The following SLC2A14 variants were observed in gnomAD, a reference collection of about 807,000 sequenced individuals.
SLC2A14 encodes solute carrier family 2, facilitated glucose transporter member 14.
SLC2A14 carries 13 observed loss-of-function variants against 43.0 expected under a neutral mutation model. The ratio of observed to expected loss-of-function variants is 0.30; its 90% CI spans 0.20 to 0.48. SLC2A14 has a LOEUF of 0.48. Ranked by LOEUF, SLC2A14 falls within the 20% of genes least tolerant of loss-of-function variation. The pLI, the probability that SLC2A14 is intolerant of heterozygous loss-of-function variation, is 0.99. For synonymous variants in SLC2A14, 190 were observed against 233.8 expected, an observed-to-expected ratio of 0.81 and a Z score of 1.71; for missense variants, 428 against 620.4, an observed-to-expected ratio of 0.69 and a Z score of 3.29.
At chr12:7,865,056 G>A (rs1014785957) in intron 2 of SLC2A14, among the ~76,000 whole-genome samples, 3 of 152,014 alleles carry the variant, frequency 2.0e-5, no homozygotes, top group African/African-American at 7.2e-5. Flanking sequence ...AAGTCTATTG[G>A]CCTCATTTTT....
At chr12:7,877,747 T>C (rs1488712635), upstream of SLC2A14, among the ~76,000 whole-genome samples, 7 of 152,024 alleles carry the variant, frequency 4.6e-5, no homozygotes, top group Non-Finnish European at 7.4e-5. Flanking sequence ...TACATTTTTG[T>C]TTTAAATTCT....
chr12:7,822,405 C>T (rs943892712), intron 7 of SLC2A14, among the ~76,000 whole-genome samples: 24 of 151,718 alleles, frequency 1.6e-4, no homozygotes, highest in Non-Finnish European at 2.9e-4. Flanking sequence ...CAGTGGCTCA[C>T]GCCTGCAATC....
At chr12:7,877,814 T>C (rs6488728), upstream of SLC2A14, among the ~76,000 whole-genome samples, 150,910 of 152,236 alleles carry the variant, frequency 0.99, 74,812 homozygotes, top group East Asian at 1. Flanking sequence ...TGGAGTGCAG[T>C]TCACTACAAC....
intron 2 of SLC2A14, among the ~76,000 whole-genome samples, chr12:7,834,561 A>G (rs934943950): frequency 5.6e-5 from 2 of 35,700 alleles, no homozygotes; most frequent in Admixed American, 7.1e-4. Flanking sequence ...CCCCTTCTCT[A>G]TCAAAAAAAA....
intron 7 of SLC2A14, among the ~76,000 whole-genome samples, chr12:7,827,018 TCTCTCCTTTCTCTCTCTTTCTCTC>T (rs1565509034): frequency 3.8e-5 from 5 of 133,200 alleles, no homozygotes; most frequent in South Asian, 2.6e-4. Context: ...TCTCTCTCTT[TCTCTCCTTTCTCTCTCTTTCTCTC>T]CTTTCTCTCT....
intron 1 of SLC2A14, among the ~76,000 whole-genome samples, chr12:7,885,803 G>C (rs117456628): frequency 6.6e-6 from 1 of 151,990 alleles, no homozygotes. Context: ...GTGGAAAAAG[G>C]AGTCAATGGT....
At chr12:7,889,890 A>G (rs1245276631) in intron 1 of SLC2A14, among the ~76,000 whole-genome samples, 2 of 151,694 alleles carry the variant, frequency 1.3e-5, no homozygotes, top group Non-Finnish European at 2.9e-5. Context: ...TGGATTATTC[A>G]TTCCTCCCCT....
intron 2 of SLC2A14, among the ~76,000 whole-genome samples, chr12:7,860,959 A>AT (rs1412307507): frequency 6.6e-6 from 1 of 151,884 alleles, no homozygotes; most frequent in Non-Finnish European, 1.5e-5. Context: ...TGCCCAGCTA[A>AT]TTTTTTATTT....
intron 2 of SLC2A14, among the ~76,000 whole-genome samples, chr12:7,863,204 C>G (rs1944693517): frequency 6.6e-6 from 1 of 152,072 alleles, no homozygotes; most frequent in African/African-American, 2.4e-5. Flanking sequence ...ACGAACGACT[C>G]CTGACGCGCT....
Position 7,878,976 on chromosome 12 carries a change from CAAAAAAAAAA to C in SLC2A14, c.132+12010_132+12019del, listed in dbSNP as rs58838986. On this transcript the variant is annotated intron_variant, in intron 1 of 9. Coordinates refer to the SLC2A14 transcript ENST00000539924. ...TGGGCGACACAGCAAGAGTCCGTCT[CAAAAAAAAAA>C]AAAAAAAAAAAAAAAAAAACAATTT... is the stretch of plus-strand genomic sequence containing the variant. Among the ~76,000 whole-genome samples the C allele has an allele frequency of 5.8e-5, 4 of 69,322 alleles. No individual in the cohort carries two copies. In the East Asian group the frequency reaches 1.1e-3, roughly 19 times the overall value. The allele number at this position is 69,322 out of a possible 152,430, so 45.5% of individuals were successfully genotyped here.
upstream of SLC2A14, among the ~76,000 whole-genome samples, chr12:7,876,442 C>G (rs1364762842): frequency 6.6e-6 from 1 of 152,006 alleles, no homozygotes; most frequent in Non-Finnish European, 1.5e-5. Flanking sequence ...CCCAGCCACC[C>G]AAATCAAGTG....
At chr12:7,864,107 C>T (rs761356560) in intron 2 of SLC2A14, among the ~76,000 whole-genome samples, 55 of 151,822 alleles carry the variant, frequency 3.6e-4, no homozygotes, top group Non-Finnish European at 4.4e-5. Context: ...TCAGCCCCCG[C>T]GCCCGGCCAC....
intron 2 of SLC2A14, chr12:7,863,285 A>G (rs937975278): frequency 2.3e-6 from 1 of 426,266 alleles, no homozygotes; most frequent in South Asian, 1.6e-5. Flanking sequence ...CCACGAACCC[A>G]CCAGAAGGAA....
At chr12:7,875,011 TA>T (rs1268381611), upstream of SLC2A14, among the ~76,000 whole-genome samples, 1 of 107,292 alleles carries the variant, frequency 9.3e-6, no homozygotes, top group Non-Finnish European at 1.7e-5. Context: ...AATACATATA[TA>T]AAAATTATAT....
At chr12:7,881,144 T>C (rs1191843207) in intron 1 of SLC2A14, among the ~76,000 whole-genome samples, 4 of 152,110 alleles carry the variant, frequency 2.6e-5, no homozygotes, top group Non-Finnish European at 5.9e-5. Flanking sequence ...TCGCTCGCTC[T>C]CGGCACTTCC....
intron 7 of SLC2A14, among the ~76,000 whole-genome samples, chr12:7,826,888 T>C (rs1342857598): frequency 0.014 from 1,001 of 70,088 alleles, 42 homozygotes; most frequent in African/African-American, 0.045. Context: ...TTTCTTTCTT[T>C]CTTTCTTTCT....
intron 4 of SLC2A14, among the ~76,000 whole-genome samples, chr12:7,831,060 G>A (rs1864975831): frequency 6.7e-6 from 1 of 149,780 alleles, no homozygotes; most frequent in Non-Finnish European, 1.5e-5. Flanking sequence ...GGAGGCAGAG[G>A]TTGCAGTGAG....
chr12:7,862,858 ACTAAT>A (rs1944661559), intron 2 of SLC2A14, among the ~76,000 whole-genome samples: 1 of 152,068 alleles, frequency 6.6e-6, no homozygotes, highest in African/African-American at 2.4e-5. Context: ...TCTGTATCTA[ACTAAT>A]CTGATGGGCA....
At chr12:7,845,849 T>A (rs1413219841) in intron 2 of SLC2A14, among the ~76,000 whole-genome samples, 1 of 150,728 alleles carries the variant, frequency 6.6e-6, no homozygotes, top group Non-Finnish European at 1.5e-5. Flanking sequence ...CGCAGCACTT[T>A]GGGATGCCAA....
Sources: gnomAD v4.1 joint callset for allele counts (sites outside exome capture counted in the v4.1 genomes callset) on GRCh38, gnomAD v4.1.1 for gene constraint, MANE v1.5 for transcripts, NCBI Gene and HGNC (gene_info 2026-07-23, HGNC 2026-07-21) for gene names.